AUTS2: variants seen among roughly 807,000 people sequenced by gnomAD.
AUTS2 encodes activator of transcription and developmental regulator AUTS2, also known as autism susceptibility gene 2 protein.
In AUTS2, 17 loss-of-function variants were observed where a neutral mutation model predicts 112.4. The ratio of observed to expected loss-of-function variants is 0.15; its 90% CI spans 0.10 to 0.23. The LOEUF (loss-of-function observed/expected upper bound fraction) is 0.23, where lower values mean the gene tolerates loss of function less well. AUTS2 is among the 10% of genes least tolerant of loss of function. The pLI is 1.00. For missense variants in AUTS2, 1,510 were observed against 1,701.6 expected (o/e 0.89, Z 1.98); for synonymous variants, 751 against 702.7 (o/e 1.07, Z -1.09).
intron 1 of AUTS2, among the ~76,000 whole-genome samples, chr7:69,652,623 CTTG>C (rs777615422): frequency 3.9e-5 from 6 of 151,958 alleles, no homozygotes; most frequent in Non-Finnish European, 5.9e-5. Flanking sequence ...GCAAAATATT[CTTG>C]TTGTCACAGG....
At chr7:70,142,340 A>G (rs1806911331) in intron 4 of AUTS2, among the ~76,000 whole-genome samples, 1 of 152,150 alleles carries the variant, frequency 6.6e-6, no homozygotes, top group East Asian at 1.9e-4. Flanking sequence ...TAATATTTCA[A>G]AATTTATGAT....
intron 4 of AUTS2, among the ~76,000 whole-genome samples, chr7:70,359,079 C>A (rs560368977): frequency 1.3e-5 from 2 of 152,192 alleles, no homozygotes; most frequent in African/African-American, 4.8e-5. Flanking sequence ...ACAAGGAATG[C>A]TCTACTATAC....
chr7:69,893,017 C>T (rs1794593933), intron 1 of AUTS2, among the ~76,000 whole-genome samples: 2 of 152,178 alleles, frequency 1.3e-5, no homozygotes, highest in African/African-American at 2.4e-5. Flanking sequence ...CTGACTTGCT[C>T]CTCCTCTAAC....
At chr7:69,819,853 C>T (rs1340864686) in intron 1 of AUTS2, among the ~76,000 whole-genome samples, 2 of 152,136 alleles carry the variant, frequency 1.3e-5, no homozygotes, top group African/African-American at 4.8e-5. Context: ...ATTCTCTGTG[C>T]CTTCCAAATC....
chr7:70,002,007 G>A (rs113763250), intron 2 of AUTS2, among the ~76,000 whole-genome samples: 8 of 152,144 alleles, frequency 5.3e-5, no homozygotes, highest in African/African-American at 1.4e-4. Context: ...CACCACACCC[G>A]GCCTTCATTG....
At chr7:70,191,532 A>C (rs1195738721) in intron 4 of AUTS2, among the ~76,000 whole-genome samples, 3 of 152,178 alleles carry the variant, frequency 2.0e-5, no homozygotes, top group Admixed American at 2.0e-4. Flanking sequence ...TTATACATCA[A>C]ATTATCAACT....
At chr7:70,463,817 G>A (rs954705014) in intron 5 of AUTS2, among the ~76,000 whole-genome samples, 1 of 152,232 alleles carries the variant, frequency 6.6e-6, no homozygotes, top group Non-Finnish European at 1.5e-5. Flanking sequence ...CCATGGAGAG[G>A]GAGGAAGGAG....
At position 70,462,885 on chromosome 7, in the gene AUTS2, G is replaced by A. The variant is rs532676112; in HGVS notation, c.690+27104G>A. Among the ~76,000 whole-genome samples, 14 of 152,080 alleles carry A rather than the reference G, an allele frequency of 9.2e-5. No homozygotes were observed. The South Asian group carries it at 2.9e-3, about 32-fold the overall frequency. On this transcript the variant is annotated intron_variant, in intron 5 of 18. Transcript: ENST00000342771. ...GGCAGGGAGAATTGCTTGAACCCGG[G>A]AAGCGGAGATTGCAGTGACCCGAGA...
chr7:70,378,696 A>G (rs1355450774), intron 4 of AUTS2, among the ~76,000 whole-genome samples: 1 of 152,240 alleles, frequency 6.6e-6, no homozygotes, highest in African/African-American at 2.4e-5. Flanking sequence ...TATATTCCTC[A>G]TTATATTCCC....
At chr7:69,619,393 CAG>C (rs533524274) in intron 1 of AUTS2, among the ~76,000 whole-genome samples, 55 of 152,174 alleles carry the variant, frequency 3.6e-4, no homozygotes, top group Admixed American at 8.5e-4. Flanking sequence ...CCTTGGAAGT[CAG>C]GGGGATGCAG....
chr7:69,750,028 A>G (rs1243905383), intron 1 of AUTS2, among the ~76,000 whole-genome samples: 1 of 152,206 alleles, frequency 6.6e-6, no homozygotes, highest in Non-Finnish European at 1.5e-5. Context: ...TTTACAAGGA[A>G]TCTGAATAAC....
intron 2 of AUTS2, among the ~76,000 whole-genome samples, chr7:69,940,396 G>A (rs1398989058): frequency 6.6e-6 from 1 of 152,176 alleles, no homozygotes; most frequent in Non-Finnish European, 1.5e-5. Context: ...TCTAGGTGAG[G>A]GCTCATGGAC....
At chr7:70,738,096 C>T (rs1255665476) in intron 6 of AUTS2, among the ~76,000 whole-genome samples, 1 of 152,176 alleles carries the variant, frequency 6.6e-6, no homozygotes, top group Non-Finnish European at 1.5e-5. Flanking sequence ...CTGCGTCTCA[C>T]AGTGCAGTTA....
rs80288688 is a variant in AUTS2 at position 69,923,531 on chromosome 7, C to T, written c.522+24033C>T. ...AGATGTTGGTTGAGATTATATTGAT[C>T]GTGTGATCAATTTGGGGAGAATTGA... On this transcript the variant is annotated intron_variant, in intron 2 of 18. Coordinates refer to ENST00000342771, the MANE Select transcript of AUTS2 (RefSeq NM_015570.4). Among the ~76,000 whole-genome samples, 347 of 152,184 alleles carry T rather than the reference C, an allele frequency of 2.3e-3. 6 individuals carry two copies. In the East Asian group the frequency reaches 0.044, roughly 19 times the overall value.
chr7:70,231,246 G>C (rs1209092751), intron 4 of AUTS2, among the ~76,000 whole-genome samples: 1 of 152,142 alleles, frequency 6.6e-6, no homozygotes, highest in Non-Finnish European at 1.5e-5. Flanking sequence ...ATGCTACAAA[G>C]TACACTCTTG....
At chr7:70,367,124 A>G (rs1792608869) in intron 4 of AUTS2, among the ~76,000 whole-genome samples, 1 of 152,134 alleles carries the variant, frequency 6.6e-6, no homozygotes, top group African/African-American at 2.4e-5. Context: ...CGTCTCTACT[A>G]AAAGTATAAA....
chr7:69,658,526 A>AT (rs1347715713), intron 1 of AUTS2, among the ~76,000 whole-genome samples: 1 of 152,202 alleles, frequency 6.6e-6, no homozygotes, highest in African/African-American at 2.4e-5. Context: ...GTTAATCCTT[A>AT]TTACTTTTCT....
At chr7:70,183,540 CAA>C (rs1400582897) in intron 4 of AUTS2, among the ~76,000 whole-genome samples, 1 of 152,206 alleles carries the variant, frequency 6.6e-6, no homozygotes, top group Non-Finnish European at 1.5e-5. Flanking sequence ...CTTGTGCAAT[CAA>C]AGAGCTGTTC....
chr7:70,640,509 C>G (rs1263618195), intron 5 of AUTS2, among the ~76,000 whole-genome samples: 3 of 151,060 alleles, frequency 2.0e-5, no homozygotes, highest in Non-Finnish European at 4.4e-5. Flanking sequence ...GAAGTCAGCG[C>G]AGACATCCCA....
Sources: gnomAD v4.1 joint callset for allele counts (sites outside exome capture counted in the v4.1 genomes callset) on GRCh38, gnomAD v4.1.1 for gene constraint, MANE v1.5 for transcripts, NCBI Gene and HGNC (gene_info 2026-07-23, HGNC 2026-07-21) for gene names.